ERC2: variants seen among roughly 807,000 people sequenced by gnomAD.
The protein encoded by ERC2 is ERC protein 2.
In ERC2, 42 loss-of-function variants were observed where a neutral mutation model predicts 114.8. That is an observed-to-expected ratio of 0.37 (90% CI 0.29 to 0.47). ERC2 has a LOEUF of 0.47. ERC2 is among the 20% of genes least tolerant of loss of function. The pLI is 0.99. For missense variants in ERC2, 939 were observed against 1,150.7 expected (o/e 0.82, Z 2.66); for synonymous variants, 454 against 425.5 (o/e 1.07, Z -0.82).
rs1316755745 is a variant in ERC2 at position 55,952,214 on chromosome 3, A to ATG, written c.2268-1655_2268-1654insCA. ...TCTCTCTCTCTATATATATATATATATATTCTGAACACTTTGTCTTCTTAT... is the reference window on the plus strand; with the variant it reads ...TCTCTCTCTCTATATATATATATATATGTATTCTGAACACTTTGTCTTCTTAT... On this transcript the variant is annotated intron_variant, in intron 12 of 17. Coordinates refer to ENST00000288221, the MANE Select transcript of ERC2 (RefSeq NM_015576.3). 1.0e-4 allele frequency among the ~76,000 whole-genome samples: 13 copies of ATG among 125,346 alleles called. 1 individual carries two copies. The East Asian group carries it at 2.9e-3, about 28-fold the overall frequency. 82.2% of individuals were successfully genotyped at this position (125,346 alleles called of 152,430 possible). A position where few individuals can be genotyped will look rare whatever the true frequency, so the allele number is the denominator to read the frequency against.
rs146109874 is a variant in ERC2, at chr3:56,331,757, C to T, written c.658-35322G>A. ...ACTGCAGTAACCACCTCACTGCCTTCCCTACCCAAGTCAGTGTTTGGTAGG... is the reference window on the plus strand; with the variant it reads ...ACTGCAGTAACCACCTCACTGCCTTTCCTACCCAAGTCAGTGTTTGGTAGG... On this transcript the variant is annotated intron_variant, in intron 2 of 17. Coordinates refer to ENST00000288221, the MANE Select transcript of ERC2 (RefSeq NM_015576.3). 3.1e-3 allele frequency among the ~76,000 whole-genome samples: 476 copies of T among 152,298 alleles called. 4 individuals are homozygous for T. The highest frequency in any genetic ancestry group is 5.8e-3 in the Admixed American group (88 of 15,300).
At chr3:55,729,063 T>C (rs732887) in intron 15 of ERC2, among the ~76,000 whole-genome samples, 88,345 of 152,032 alleles carry the variant, frequency 0.58, 26,020 homozygotes, top group South Asian at 0.71. Flanking sequence ...ATAGTAGTGA[T>C]GAGGGGAGCC....
intron 3 of ERC2, among the ~76,000 whole-genome samples, chr3:56,182,255 A>C (rs1201385076): frequency 6.6e-6 from 1 of 152,154 alleles, no homozygotes; most frequent in Non-Finnish European, 1.5e-5. Context: ...TAATTAATCC[A>C]TGTCTGTGTA....
rs1173809704 is a variant in ERC2, at chr3:55,724,091, A to C, written c.2712+10680T>G. On this transcript the variant is annotated intron_variant, in intron 15 of 17. Transcript: ENST00000288221. ...ACTAAAGAGAAAAAGGCTTTCCAAC[A>C]GATACCTTGAGAATGAAACACAAAG... 5.3e-5 allele frequency among the ~76,000 whole-genome samples: 8 copies of C among 152,050 alleles called. No individual in the cohort carries two copies. The South Asian group carries it at 1.4e-3, about 28-fold the overall frequency.
rs147390445 is a variant in ERC2, at chr3:55,533,205, T to C, written c.*40-21929A>G. ...TGAGATCTGGCAGGAGTGTCACAGA[T>C]GGGAGAGGCCAGGCTGTGGCAGAGG... On this transcript the variant is annotated intron_variant, in intron 17 of 17. Coordinates refer to ENST00000288221, the MANE Select transcript of ERC2 (RefSeq NM_015576.3). Among the ~76,000 whole-genome samples the C allele has an allele frequency of 5.0e-3, 761 of 152,178 alleles. 7 individuals carry two copies. The highest frequency in any genetic ancestry group is 0.017 in the African/African-American group (700 of 41,516).
chr3:56,202,754 A>G (rs1266448129), intron 3 of ERC2, among the ~76,000 whole-genome samples: 2 of 152,206 alleles, frequency 1.3e-5, no homozygotes, highest in African/African-American at 4.8e-5. Flanking sequence ...ATAAAAACAG[A>G]CAGTAGAAGG....
chr3:55,875,689 T>TTCTC (rs1559800468), intron 14 of ERC2, among the ~76,000 whole-genome samples: 3 of 128,258 alleles, frequency 2.3e-5, no homozygotes, highest in Admixed American at 7.5e-5. Flanking sequence ...CCTAAACTCA[T>TTCTC]TCACACACAC....
chr3:55,602,916 T>C (rs1278369072), intron 17 of ERC2, among the ~76,000 whole-genome samples: 1 of 152,166 alleles, frequency 6.6e-6, no homozygotes, highest in East Asian at 1.9e-4. Flanking sequence ...ATTTGCTAAA[T>C]CCTGCCCAGC....
chr3:55,982,126 T>C (rs2070192303), intron 12 of ERC2, among the ~76,000 whole-genome samples: 1 of 152,174 alleles, frequency 6.6e-6, no homozygotes. Flanking sequence ...AAGGAGAGGC[T>C]GGCTGCACAG....
intron 3 of ERC2, 81 bp downstream of exon 3, chr3:56,295,938 C>A: frequency 1.4e-6 from 2 of 1,418,188 alleles, no homozygotes; most frequent in Non-Finnish European, 9.4e-7. Flanking sequence ...ATGTAGATAT[C>A]TTCCAACCTG....
rs575680445 is a variant in ERC2, at chr3:56,392,221, G to A, written c.657+42130C>T. On this transcript the variant is annotated intron_variant, in intron 2 of 17. Coordinates refer to ENST00000288221, the MANE Select transcript of ERC2 (RefSeq NM_015576.3). ...CATTTCTATGTGTTTGTACGTGAAT[G>A]CTCATATAACATTTAATGCCACCAC... is the stretch of plus-strand genomic sequence containing the variant. 6.6e-5 allele frequency among the ~76,000 whole-genome samples: 10 copies of A among 152,296 alleles called. No individual in the cohort carries two copies. The South Asian group carries it at 1.5e-3, about 22-fold the overall frequency.
At chr3:55,858,206 T>A (rs555531953) in intron 14 of ERC2, among the ~76,000 whole-genome samples, 7 of 152,328 alleles carry the variant, frequency 4.6e-5, no homozygotes, top group African/African-American at 1.7e-4. Flanking sequence ...ATTTTATTAG[T>A]TTGAACTAAT....
intron 14 of ERC2, among the ~76,000 whole-genome samples, chr3:55,769,686 C>CATTACAT (rs2068058876): frequency 6.6e-6 from 1 of 151,986 alleles, no homozygotes; most frequent in Non-Finnish European, 1.5e-5. Context: ...AACCAATATA[C>CATTACAT]ATTACATATT....
At chr3:56,033,021 AAAAAGAAAC>A (rs1478299805) in intron 7 of ERC2, among the ~76,000 whole-genome samples, 5,570 of 108,254 alleles carry the variant, frequency 0.051, 332 homozygotes, top group Non-Finnish European at 0.071. Flanking sequence ...GAAAGAAAGA[AAAAAGAAAC>A]AGAAAGAAAG....
intron 2 of ERC2, among the ~76,000 whole-genome samples, chr3:56,403,642 A>T (rs1279705639): frequency 6.6e-6 from 1 of 152,242 alleles, no homozygotes; most frequent in Admixed American, 6.5e-5. Flanking sequence ...TATTTTAACG[A>T]GATCCCCAGG....
At chr3:55,748,335 C>A (rs1385403397) in intron 14 of ERC2, among the ~76,000 whole-genome samples, 1 of 152,192 alleles carries the variant, frequency 6.6e-6, no homozygotes, top group East Asian at 1.9e-4. Context: ...TCAATTTCTC[C>A]AACTCATTCA....
intron 6 of ERC2, among the ~76,000 whole-genome samples, chr3:56,105,227 G>A (rs1021479424): frequency 6.6e-6 from 1 of 152,172 alleles, no homozygotes; most frequent in Non-Finnish European, 1.5e-5. Context: ...TAAGGACAGG[G>A]ATGAAGAAGG....
At chr3:55,876,102 G>T (rs1208064715) in intron 14 of ERC2, among the ~76,000 whole-genome samples, 1 of 152,118 alleles carries the variant, frequency 6.6e-6, no homozygotes, top group African/African-American at 2.4e-5. Context: ...GTTTAGGAGG[G>T]ACCAAGAACA....
intron 2 of ERC2, among the ~76,000 whole-genome samples, chr3:56,314,034 G>C (rs1305999692): frequency 6.6e-6 from 1 of 152,070 alleles, no homozygotes; most frequent in African/African-American, 2.4e-5. Flanking sequence ...TGCAGTATTC[G>C]GTTTTCTGTT....
Sources: allele counts gnomAD v4.1 joint callset (sites outside exome capture counted in the v4.1 genomes callset), GRCh38; gene constraint gnomAD v4.1.1; transcripts MANE v1.5; gene names NCBI Gene and HGNC (gene_info 2026-07-23, HGNC 2026-07-21).